The following TAF1B variants were observed in gnomAD, a reference collection of about 807,000 sequenced individuals.
TAF1B encodes the protein TATA-box binding protein associated factor, RNA polymerase I subunit B.
In TAF1B, 61 loss-of-function variants were observed where a neutral mutation model predicts 83.9. That is an observed-to-expected ratio of 0.73 (90% confidence interval 0.59 to 0.90). TAF1B has a LOEUF of 0.90. TAF1B is among the 40% of genes least tolerant of loss of function. TAF1B has a pLI of 0.00. For missense variants in TAF1B, 625 were observed against 677.0 expected (o/e 0.92, Z 0.85); for synonymous variants, 221 against 224.6 (o/e 0.98, Z 0.14).
chr2:9,927,027 C>CA lies in TAF1B; in HGVS notation c.1566-6755dup, dbSNP rs1427181408. On this transcript the variant is annotated intron_variant, in intron 14 of 14. Transcript: ENST00000263663. ...CTAATGTTGTCCCTCCCCCTGCCCC[C>CA]ACCCCACGACAGGCCCCAGTGTGTG... is the stretch of plus-strand genomic sequence containing the variant. 2.0e-5 allele frequency among the ~76,000 whole-genome samples: 3 copies of CA among 149,780 alleles called. No homozygotes were observed. In the East Asian group the frequency reaches 6.0e-4, roughly 30 times the overall value.
chr2:9,843,485 G>A lies in TAF1B; in HGVS notation c.-57G>A, dbSNP rs916988058. On this transcript the variant is annotated 5_prime_UTR_variant, in exon 1 of 15. Transcript: ENST00000263663. The stretch of plus-strand genomic sequence containing the variant: ...GAAGCTTCTCCAGCCTTTCCCGGAA[G>A]CTGCGCTCGCTACCCGGGTAACGGG... The A allele has an allele frequency of 1.1e-5, 16 of 1,515,050 alleles. No individual in the cohort carries two copies. The highest frequency in any genetic ancestry group is 1.2e-5 in the Non-Finnish European group (14 of 1,125,674). The allele number at this position is 1,515,050 out of a possible 1,614,324, so 93.9% of individuals were successfully genotyped here.
chr2:9,906,355 G>T (rs186998006), intron 9 of TAF1B, among the ~76,000 whole-genome samples: 1 of 152,172 alleles, frequency 6.6e-6, no homozygotes, highest in African/African-American at 2.4e-5. Context: ...AGACATTATT[G>T]TCATTTGATA....
Position 9,845,914 on chromosome 2 carries a change from C to T in TAF1B, c.117+596C>T, listed in dbSNP as rs143793966. ...AGGAGAATCGCTTGGACCCAGGAGG[C>T]GGAGGTTGCAGTGAGACGAGATCAC... On this transcript the variant is annotated intron_variant, in intron 2 of 14. Transcript: ENST00000263663. The T allele has an allele frequency of 2.9e-3, 953 of 331,336 alleles. 5 individuals carry two copies. Among genetic ancestry groups the T allele is most frequent in the African/African-American group, 0.02 (915 of 45,574 alleles). The allele number at this position is 331,336 out of a possible 1,614,324, so 20.5% of individuals were successfully genotyped here.
rs764674984 is a variant in TAF1B at position 9,876,009 on chromosome 2, A to G, written c.698A>G (p.Asp233Gly). Residue 233 changes from aspartate (D) to glycine (G), a missense_variant, in exon 7 of 15, where the codon GAT becomes GGT. Coordinates refer to ENST00000263663, the MANE Select transcript of TAF1B (RefSeq NM_005680.3). ...LWQREAITLS[D>G]LLRFVEEDHI... ...CAGAGAGAAGCAATAACACTTTCAG[A>G]TCTTTTGAGGTTAGCTAGACCTCTT... is the stretch of plus-strand genomic sequence containing the variant. The G allele has an allele frequency of 6.2e-7, 1 of 1,608,742 alleles. No individual in the cohort carries two copies. Among genetic ancestry groups the G allele is most frequent in the South Asian group, 1.1e-5 (1 of 90,668 alleles).
chr2:9,934,159 G>T lies in TAF1B; in HGVS notation c.*175G>T. 1.9e-6 allele frequency: 1 copy of T among 536,898 alleles called. No individual in the cohort carries two copies. The highest frequency in any genetic ancestry group is 1.9e-5 in the African/African-American group (1 of 53,030). 33.3% of individuals were successfully genotyped at this position (536,898 alleles called of 1,614,324 possible). A position where few individuals can be genotyped will look rare whatever the true frequency, so the allele number is the denominator to read the frequency against. On this transcript the variant is annotated 3_prime_UTR_variant, in exon 15 of 15. Transcript: ENST00000263663. ...AAAATGTATATTGTAAAGCAGGTGAGCTTCATTTGATTTTATTTTTCAGAG... is the reference window on the plus strand; with the variant it reads ...AAAATGTATATTGTAAAGCAGGTGATCTTCATTTGATTTTATTTTTCAGAG...
In TAF1B at chr2:9,933,949, A is replaced by C; in HGVS notation, c.1732A>C (p.Lys578Gln). 6.2e-7 allele frequency: 1 copy of C among 1,608,488 alleles called. No individual in the cohort carries two copies. The highest frequency in any genetic ancestry group is 2.2e-5 in the East Asian group (1 of 44,816). The change falls in exon 15 of 15, where the codon AAG becomes CAG. Residue 578 changes from lysine to glutamine, a missense_variant. Lys to Gln is a moderately conservative substitution (Grantham distance 53, BLOSUM62 1). Transcript: ENST00000263663. ...TGAGAAAAAATACAGTGTAAAAAGA[A>C]AGAAATCAAGATCCAAGAAAGTGAG... Reference protein sequence around the residue: ...LFEKKYSVKRKKSRSKKVRRH With the variant: ...LFEKKYSVKRQKSRSKKVRRH
intron 2 of TAF1B, among the ~76,000 whole-genome samples, chr2:9,848,543 T>G (rs182170811): frequency 1.4e-4 from 22 of 152,248 alleles, no homozygotes; most frequent in Non-Finnish European, 2.9e-5. Flanking sequence ...GCGCATGCCT[T>G]TAATCCCAGC....
intron 14 of TAF1B, 50 bp downstream of exon 14, chr2:9,919,870 A>T: frequency 6.5e-7 from 1 of 1,527,520 alleles, no homozygotes; most frequent in Non-Finnish European, 8.9e-7. Flanking sequence ...AGTTGACTGT[A>T]TAAGAGCCAG....
intron 8 of TAF1B, among the ~76,000 whole-genome samples, chr2:9,903,757 A>G (rs1665260242): frequency 6.6e-6 from 1 of 152,106 alleles, no homozygotes; most frequent in Non-Finnish European, 1.5e-5. Context: ...GGTGAGAGGG[A>G]GGTTGTGTAT....
intron 1 of TAF1B, among the ~76,000 whole-genome samples, chr2:9,844,668 C>A (rs533265082): frequency 6.6e-6 from 1 of 152,136 alleles, no homozygotes; most frequent in Non-Finnish European, 1.5e-5. Flanking sequence ...AATTGTAACT[C>A]ACCATTAGCT....
chr2:9,864,198 T>A (rs1364423933), intron 5 of TAF1B, among the ~76,000 whole-genome samples: 1 of 152,054 alleles, frequency 6.6e-6, no homozygotes, highest in Non-Finnish European at 1.5e-5. Context: ...GATAGACCGC[T>A]AGCAAGACTA....
chr2:9,930,404 A>G (rs1361949192), intron 14 of TAF1B, among the ~76,000 whole-genome samples: 3 of 151,566 alleles, frequency 2.0e-5, no homozygotes, highest in Admixed American at 2.0e-4. Context: ...TTCAAAGTAC[A>G]TCTTTATTTC....
intron 8 of TAF1B, among the ~76,000 whole-genome samples, chr2:9,895,817 T>G (rs1665001342): frequency 6.8e-6 from 1 of 147,498 alleles, no homozygotes; most frequent in Non-Finnish European, 1.5e-5. Flanking sequence ...TGCACTCTTT[T>G]TTTTTTTTTT....
intron 7 of TAF1B, among the ~76,000 whole-genome samples, chr2:9,880,280 C>A (rs139410592): frequency 1.3e-5 from 2 of 151,956 alleles, no homozygotes; most frequent in Non-Finnish European, 2.9e-5. Context: ...TTCCAGGGGA[C>A]ATGGCTAAAC....
Position 9,868,659 on chromosome 2 carries a change from A to G in TAF1B, c.553+230A>G, listed in dbSNP as rs759648779. ...ATGTGAGTTTTTTGTGTGTGATTTT[A>G]AAGGGACATAAAGTTCAAGTGGATC... On this transcript the variant is annotated intron_variant, in intron 6 of 14. Transcript: ENST00000263663. 36 of 667,476 alleles carry G rather than the reference A, an allele frequency of 5.4e-5. 1 individual carries two copies. Among genetic ancestry groups the G allele is most frequent in the South Asian group, 5.1e-4 (34 of 66,530 alleles). The allele number at this position is 667,476 out of a possible 1,614,324, so 41.3% of individuals were successfully genotyped here.
intron 14 of TAF1B, among the ~76,000 whole-genome samples, 182 bp from the exon 15 acceptor site, chr2:9,933,601 A>G (rs1405677480): frequency 1.3e-5 from 2 of 152,182 alleles, no homozygotes; most frequent in Admixed American, 6.5e-5. Flanking sequence ...CAGTGTGAAC[A>G]TGTTTTCCTT....
chr2:9,851,015 GTA>G (rs1306267417), intron 3 of TAF1B, among the ~76,000 whole-genome samples: 1 of 152,076 alleles, frequency 6.6e-6, no homozygotes. Context: ...CTATACTCCG[GTA>G]TCATGAGATC....
intron 14 of TAF1B, among the ~76,000 whole-genome samples, chr2:9,920,591 G>C (rs1027311646): frequency 3.4e-5 from 5 of 146,274 alleles, no homozygotes; most frequent in Non-Finnish European, 6.0e-5. Context: ...GGGGGCGGGG[G>C]GTCCATTTGC....
At chr2:9,919,496 C>G in intron 13 of TAF1B, 102 bp from the exon 14 acceptor site, 1 of 1,058,402 alleles carries the variant, frequency 9.4e-7, no homozygotes, top group East Asian at 2.4e-5. Context: ...TCTGCGAAAA[C>G]TAAGGAACCA....
Sources: allele counts gnomAD v4.1 joint callset (sites outside exome capture counted in the v4.1 genomes callset), GRCh38; gene constraint gnomAD v4.1.1; transcripts MANE v1.5; gene names NCBI Gene and HGNC (gene_info 2026-07-23, HGNC 2026-07-21).